Variants in AMBRA1 observed in about 807,000 individuals in gnomAD.
The protein encoded by AMBRA1 is activating molecule in BECN1-regulated autophagy protein 1.
Under a neutral mutation model 125.4 loss-of-function variants are expected in AMBRA1, and 47 were observed. The observed-to-expected ratio is 0.37, with a 90% CI of 0.30 to 0.48. AMBRA1 has a LOEUF of 0.48. Among genes scored for constraint, AMBRA1 ranks in the 20% least tolerant of loss-of-function variants. The probability of loss-of-function intolerance (pLI) is 0.99; values close to 1 mark genes in which losing one functional copy is unlikely to be tolerated. For missense variants in AMBRA1, 1,331 were observed against 1,693.4 expected, an observed-to-expected ratio of 0.79 and a Z score of 3.76; for synonymous variants, 626 against 655.5, an observed-to-expected ratio of 0.95 and a Z score of 0.69.
At chr11:46,513,462 A>G (rs1951354281) in intron 7 of AMBRA1, among the ~76,000 whole-genome samples, 1 of 152,080 alleles carries the variant, frequency 6.6e-6, no homozygotes, top group South Asian at 2.1e-4. Flanking sequence ...TTTTGATGCC[A>G]GGTAATAGGT....
At chr11:46,411,140 G>T (rs1291442901) in intron 15 of AMBRA1, among the ~76,000 whole-genome samples, 3 of 151,258 alleles carry the variant, frequency 2.0e-5, no homozygotes, top group East Asian at 3.9e-4. Context: ...GAAAAGCAGA[G>T]GCCTCAGAAA....
chr11:46,525,019 G>A (rs764255347), intron 7 of AMBRA1, among the ~76,000 whole-genome samples: 2 of 152,220 alleles, frequency 1.3e-5, no homozygotes, highest in Non-Finnish European at 2.9e-5. Flanking sequence ...ACAGATGTGG[G>A]CTGGGCATGA....
chr11:46,405,788 G>A (rs1945981727), intron 17 of AMBRA1, among the ~76,000 whole-genome samples: 1 of 152,060 alleles, frequency 6.6e-6, no homozygotes, highest in Non-Finnish European at 1.5e-5. Flanking sequence ...CTGGAGTGCA[G>A]TGGCATATCA....
In AMBRA1 at chr11:46,538,095, A is replaced by G. The variant is rs566295657; in HGVS notation, c.2072+3850T>C. Among the ~76,000 whole-genome samples the G allele has an allele frequency of 2.6e-5, 4 of 152,344 alleles. No homozygotes were observed. The East Asian group carries it at 7.7e-4, about 29-fold the overall frequency. On this transcript the variant is annotated intron_variant, in intron 7 of 17. Transcript: ENST00000683756. The stretch of plus-strand genomic sequence containing the variant: ...CCCTTTAGAAGGCAGAGGAAGAGGC[A>G]GACCAGCACCTGTTTGTCTTAGTGA...
At chr11:46,411,971 G>A (rs1168211824) in intron 15 of AMBRA1, among the ~76,000 whole-genome samples, 1 of 152,046 alleles carries the variant, frequency 6.6e-6, no homozygotes, top group Non-Finnish European at 1.5e-5. Flanking sequence ...TTCACCTGAG[G>A]GAATACTACT....
At chr11:46,426,972 C>G (rs1947168232) in intron 14 of AMBRA1, among the ~76,000 whole-genome samples, 1 of 152,150 alleles carries the variant, frequency 6.6e-6, no homozygotes, top group Admixed American at 6.5e-5. Context: ...AGAAAAGGCT[C>G]AGTTTCCTTA....
chr11:46,519,021 A>ATTATT (rs1951642050), intron 7 of AMBRA1, among the ~76,000 whole-genome samples: 1 of 152,062 alleles, frequency 6.6e-6, no homozygotes, highest in Non-Finnish European at 1.5e-5. Flanking sequence ...CCTTCACTTC[A>ATTATT]TTATTTTATT....
intron 8 of AMBRA1, among the ~76,000 whole-genome samples, chr11:46,509,188 T>C (rs1346183145): frequency 1.3e-5 from 2 of 152,062 alleles, no homozygotes; most frequent in African/African-American, 4.8e-5. Flanking sequence ...AAATAATTAG[T>C]CCAGATCTAC....
At chr11:46,466,915 CTTTT>C (rs1949353060) in intron 11 of AMBRA1, among the ~76,000 whole-genome samples, 1 of 100,414 alleles carries the variant, frequency 1.0e-5, no homozygotes. Context: ...TTTTTCTTTT[CTTTT>C]TTCTTTTTTT....
chr11:46,412,623 C>T (rs1946347937), intron 15 of AMBRA1, among the ~76,000 whole-genome samples: 1 of 151,064 alleles, frequency 6.6e-6, no homozygotes, highest in Admixed American at 6.6e-5. Flanking sequence ...GTTTTTTTTT[C>T]CCCAAAATGT....
At chr11:46,443,464 T>C in intron 12 of AMBRA1, 24 bp downstream of exon 12, 1 of 1,580,314 alleles carries the variant, frequency 6.3e-7, no homozygotes, top group Non-Finnish European at 8.7e-7. Flanking sequence ...CTTCCACTGA[T>C]ACCCCCATTT....
chr11:46,470,357 GA>G (rs2136876975), intron 11 of AMBRA1, among the ~76,000 whole-genome samples: 1 of 152,256 alleles, frequency 6.6e-6, no homozygotes, highest in African/African-American at 2.4e-5. Flanking sequence ...GGGAGTCCGA[GA>G]CGGGCGGATC....
intron 4 of AMBRA1, 147 bp downstream of exon 4, chr11:46,546,966 G>A (rs944452790): frequency 2.9e-6 from 2 of 695,542 alleles, no homozygotes; most frequent in African/African-American, 3.7e-5. Flanking sequence ...AGCTACTTGG[G>A]AGGCTGAAGC....
At chr11:46,583,380 C>T (rs1367719003) in intron 1 of AMBRA1, among the ~76,000 whole-genome samples, 1 of 151,546 alleles carries the variant, frequency 6.6e-6, no homozygotes, top group Non-Finnish European at 1.5e-5. Flanking sequence ...AAACGTTAGA[C>T]CTAAAACCAT....
intron 14 of AMBRA1, among the ~76,000 whole-genome samples, chr11:46,421,654 C>T (rs540563352): frequency 3.9e-5 from 6 of 152,310 alleles, no homozygotes; most frequent in South Asian, 2.1e-4. Context: ...ACCCCTTTCC[C>T]GGGCCAAAGC....
intron 11 of AMBRA1, among the ~76,000 whole-genome samples, chr11:46,493,017 C>G (rs1272622357): frequency 1.3e-5 from 2 of 152,170 alleles, no homozygotes; most frequent in Non-Finnish European, 2.9e-5. Flanking sequence ...CCACTGCACT[C>G]CAGCCTGGGT....
In AMBRA1 at chr11:46,543,285, C is replaced by T; in HGVS notation, c.732G>A (p.Leu244=). ...CAGAAGAGCGGGAGGACAGCATGTGCAGGAAATTGTGGAGGAGAGGCGTCC... is the reference window on the plus strand; with the variant it reads ...CAGAAGAGCGGGAGGACAGCATGTGTAGGAAATTGTGGAGGAGAGGCGTCC... ...VRRTPLLHNF[L]HMLSSRSSGI... is the part of the protein sequence containing the mutation. The change falls in exon 7 of 18, where the codon CTG becomes CTA. Residue 244 remains leucine (L), a synonymous_variant. Transcript: ENST00000683756. The T allele has an allele frequency of 6.2e-7, 1 of 1,613,984 alleles. No homozygotes were observed. Among genetic ancestry groups the T allele is most frequent in the East Asian group, 2.2e-5 (1 of 44,872 alleles).
At chr11:46,549,680 T>TA (rs1357096125) in intron 1 of AMBRA1, among the ~76,000 whole-genome samples, 2 of 152,138 alleles carry the variant, frequency 1.3e-5, no homozygotes, top group South Asian at 2.1e-4. Flanking sequence ...ATGGTTGACT[T>TA]AAAAAAAATC....
intron 7 of AMBRA1, among the ~76,000 whole-genome samples, chr11:46,537,108 A>G (rs1345354413): frequency 6.6e-6 from 1 of 152,222 alleles, no homozygotes; most frequent in African/African-American, 2.4e-5. Flanking sequence ...TTCTATGGGC[A>G]AATAACTAAA....
Sources: allele counts gnomAD v4.1 joint callset (sites outside exome capture counted in the v4.1 genomes callset), GRCh38; gene constraint gnomAD v4.1.1; transcripts MANE v1.5; gene names NCBI Gene and HGNC (gene_info 2026-07-23, HGNC 2026-07-21).